The following FAM114A1 variants were observed in gnomAD, a reference collection of about 807,000 sequenced individuals.
The protein encoded by FAM114A1 is family with sequence similarity 114 member A1.
In FAM114A1, 62 loss-of-function variants were observed where a neutral mutation model predicts 64.3. The observed-to-expected ratio is 0.96, with a 90% CI of 0.79 to 1.19. The LOEUF is 1.19. FAM114A1 is among the 50% of genes most tolerant of loss of function. The probability of loss-of-function intolerance (pLI) is 0.00; values close to 1 mark genes in which losing one functional copy is unlikely to be tolerated. For missense variants in FAM114A1, 645 were observed against 676.3 expected (o/e 0.95, Z 0.51); for synonymous variants, 254 against 251.1 (o/e 1.01, Z -0.11).
In FAM114A1 at chr4:38,878,282, C is replaced by G; in HGVS notation, c.204C>G (p.Pro68=). The G allele has an allele frequency of 6.2e-7, 1 of 1,614,230 alleles. No individual in the cohort carries two copies. Among genetic ancestry groups the G allele is most frequent in the Non-Finnish European group, 8.5e-7 (1 of 1,180,046 alleles). Residue 68 remains proline, a synonymous_variant, in exon 3 of 15, where the codon CCC becomes CCG. Coordinates refer to ENST00000358869, the MANE Select transcript of FAM114A1 (RefSeq NM_138389.4). ...GTGCAGGGGCTGCCGCCATTGGGCCCCCTGTGCAGCCTCAGGATGCCAACG... is the reference window on the plus strand; with the variant it reads ...GTGCAGGGGCTGCCGCCATTGGGCCGCCTGTGCAGCCTCAGGATGCCAACG... ...VQGAGAAAIG[P]PVQPQDANAL... is the part of the protein sequence containing the mutation.
chr4:38,926,457 CTTT>C (rs1376542912), intron 9 of FAM114A1, among the ~76,000 whole-genome samples: 1 of 145,100 alleles, frequency 6.9e-6, no homozygotes. Flanking sequence ...TCTCTCTCCC[CTTT>C]TTTTTTTTTT....
At position 38,932,224 on chromosome 4, in the gene FAM114A1, A is replaced by G. The variant is rs901028895; in HGVS notation, c.1324-11A>G. 5.7e-6 allele frequency: 9 copies of G among 1,586,908 alleles called. No homozygotes were observed. Among genetic ancestry groups the G allele is most frequent in the East Asian group, 4.5e-5 (2 of 44,708 alleles). On this transcript the variant is annotated splice_polypyrimidine_tract_variant and intron_variant, in intron 11 of 14. Coordinates refer to ENST00000358869, the MANE Select transcript of FAM114A1 (RefSeq NM_138389.4). ...AGTAAAAAATTTCTTGCTTGTGTCTATTCATTTCAGGAAGTATACATGTCG... is the reference window on the plus strand; with the variant it reads ...AGTAAAAAATTTCTTGCTTGTGTCTGTTCATTTCAGGAAGTATACATGTCG...
intron 8 of FAM114A1, among the ~76,000 whole-genome samples, chr4:38,917,629 G>A (rs777100551): frequency 3.9e-5 from 6 of 152,100 alleles, no homozygotes; most frequent in Non-Finnish European, 7.4e-5. Context: ...TCACAGGGGA[G>A]CGTGGCCCTG....
rs149557498 is a variant in FAM114A1, at chr4:38,902,370, C to T, written c.437-3152C>T. ...TTCACATGTTTCTTCTCAATAATCT[C>T]GCAAAACTCTGAGAGGTAATCCTCC... On this transcript the variant is annotated intron_variant, in intron 4 of 14. Transcript: ENST00000358869. 1.9e-3 allele frequency among the ~76,000 whole-genome samples: 287 copies of T among 152,272 alleles called. 3 individuals carry two copies. The highest frequency in any genetic ancestry group is 6.6e-3 in the African/African-American group (273 of 41,550).
At chr4:38,882,569 C>T (rs1056860987) in intron 3 of FAM114A1, among the ~76,000 whole-genome samples, 11 of 151,896 alleles carry the variant, frequency 7.2e-5, no homozygotes, top group African/African-American at 2.7e-4. Flanking sequence ...GCGGAGGTTG[C>T]GGTGAGCCGA....
chr4:38,908,742 T>C lies in FAM114A1; in HGVS notation c.792+16T>C, dbSNP rs1307563808. Reference sequence around the variant, plus strand: ...CTTGTCTCAGGTTGGATTATATACGTTTGCAATTTTTTCTTTCAGTCAATA... The same window carrying C: ...CTTGTCTCAGGTTGGATTATATACGCTTGCAATTTTTTCTTTCAGTCAATA... On this transcript the variant is annotated intron_variant, in intron 7 of 14. Transcript: ENST00000358869. The C allele has an allele frequency of 6.5e-7, 1 of 1,529,250 alleles. No homozygotes were observed. Among genetic ancestry groups the C allele is most frequent in the Non-Finnish European group, 8.9e-7 (1 of 1,127,804 alleles). The allele number at this position is 1,529,250 out of a possible 1,614,324, so 94.7% of individuals were successfully genotyped here. A position where few individuals can be genotyped will look rare whatever the true frequency, so the allele number is the denominator to read the frequency against.
At chr4:38,912,215 C>T (rs1237237586) in intron 7 of FAM114A1, among the ~76,000 whole-genome samples, 2 of 152,034 alleles carry the variant, frequency 1.3e-5, no homozygotes, top group African/African-American at 2.4e-5. Context: ...TTGGATTCCA[C>T]ACATGGAAGT....
At position 38,878,206 on chromosome 4, in the gene FAM114A1, C is replaced by T. The variant is rs1363645992; in HGVS notation, c.128C>T (p.Pro43Leu). ...GATTCAGCTGCAGTTTCACATGAGC[C>T]AACACCAGCTGACCCCAGAGGGGAG... ...HCDSAAVSHEPTPADPRGEGH... is the reference protein window; with the variant it reads ...HCDSAAVSHELTPADPRGEGH... Residue 43 changes from proline (P) to leucine (L), a missense_variant, in exon 3 of 15, where the codon CCA (proline) becomes CTA (leucine). Physicochemically the swap from Pro to Leu is moderately conservative, Grantham distance 98. Transcript: ENST00000358869. 5 of 1,614,120 alleles carry T rather than the reference C, an allele frequency of 3.1e-6. No individual in the cohort carries two copies. The highest frequency in any genetic ancestry group is 4.2e-6 in the Non-Finnish European group (5 of 1,180,048).
chr4:38,901,278 T>G (rs1560304072), intron 4 of FAM114A1, among the ~76,000 whole-genome samples: 1 of 150,752 alleles, frequency 6.6e-6, no homozygotes, highest in Non-Finnish European at 1.5e-5. Flanking sequence ...CTTCCCAGCA[T>G]ATTCTCTTGT....
intron 2 of FAM114A1, among the ~76,000 whole-genome samples, chr4:38,876,851 C>A (rs1432124462): frequency 1.3e-5 from 2 of 152,204 alleles, no homozygotes; most frequent in Non-Finnish European, 2.9e-5. Context: ...GCTTTGGGCC[C>A]CTTCCTTTAT....
chr4:38,883,505 C>G (rs1226995654), intron 3 of FAM114A1, among the ~76,000 whole-genome samples: 8 of 152,104 alleles, frequency 5.3e-5, no homozygotes, highest in Non-Finnish European at 1.0e-4. Context: ...GTCATCCCTA[C>G]TGCTCAACAC....
At chr4:38,892,909 C>T (rs1716539265) in intron 4 of FAM114A1, among the ~76,000 whole-genome samples, 1 of 152,238 alleles carries the variant, frequency 6.6e-6, no homozygotes. Flanking sequence ...GGATAGATTG[C>T]ATTCCTCTAA....
At chr4:38,899,701 T>A (rs188559322) in intron 4 of FAM114A1, among the ~76,000 whole-genome samples, 2 of 152,330 alleles carry the variant, frequency 1.3e-5, no homozygotes. Context: ...TTGCTTTTTT[T>A]AGAAGTCACT....
At chr4:38,880,177 A>ATAGAATAGAATAG (rs71191000) in intron 3 of FAM114A1, among the ~76,000 whole-genome samples, 1 of 150,928 alleles carries the variant, frequency 6.6e-6, no homozygotes. Flanking sequence ...ATAGAATAGA[A>ATAGAATAGAATAG]AATATTGATG....
chr4:38,895,574 A>G (rs574998970), intron 4 of FAM114A1, among the ~76,000 whole-genome samples: 2 of 152,114 alleles, frequency 1.3e-5, no homozygotes, highest in South Asian at 4.1e-4. Context: ...TCCGGCTCAC[A>G]CTCCAAAGGG....
At chr4:38,905,933 G>C in intron 6 of FAM114A1, 72 bp downstream of exon 6, 1 of 1,353,292 alleles carries the variant, frequency 7.4e-7, no homozygotes. Flanking sequence ...CCATTTACCA[G>C]TGACCTAGAT....
Position 38,935,727 on chromosome 4 carries a change from T to A in FAM114A1, c.1473T>A (p.Thr491=). The A allele has an allele frequency of 6.2e-7, 1 of 1,603,936 alleles. No homozygotes were observed. Among genetic ancestry groups the A allele is most frequent in the Non-Finnish European group, 8.5e-7 (1 of 1,174,330 alleles). ...DQAKVLIKLT[T]AMCNEVASLS... Reference sequence around the variant, plus strand: ...TTTTTTCTTCTTTCAGATTAACTACTGCAATGTGCAATGAAGTGGCCTCTT... The same window carrying A: ...TTTTTTCTTCTTTCAGATTAACTACAGCAATGTGCAATGAAGTGGCCTCTT... The change falls in exon 13 of 15, where the codon ACT becomes ACA. Residue 491 remains threonine, a synonymous_variant. Coordinates refer to ENST00000358869, the MANE Select transcript of FAM114A1 (RefSeq NM_138389.4).
At chr4:38,910,457 G>T (rs1718430109) in intron 7 of FAM114A1, among the ~76,000 whole-genome samples, 1 of 152,176 alleles carries the variant, frequency 6.6e-6, no homozygotes, top group Non-Finnish European at 1.5e-5. Context: ...ACATCTTCTG[G>T]CCTCATCATC....
At chr4:38,935,394 C>G (rs1173363453) in intron 12 of FAM114A1, among the ~76,000 whole-genome samples, 1 of 152,142 alleles carries the variant, frequency 6.6e-6, no homozygotes, top group African/African-American at 2.4e-5. Flanking sequence ...AGCCGTCTGG[C>G]CAGAGTGTAT....
Sources: gnomAD v4.1 joint callset for allele counts (sites outside exome capture counted in the v4.1 genomes callset) on GRCh38, gnomAD v4.1.1 for gene constraint, MANE v1.5 for transcripts, NCBI Gene and HGNC (gene_info 2026-07-23, HGNC 2026-07-21) for gene names.